ST8SIA4: variants seen among roughly 807,000 people sequenced by gnomAD.
ST8SIA4 encodes ST8 alpha-N-acetyl-neuraminide alpha-2,8-sialyltransferase 4.
ST8SIA4 carries 15 observed loss-of-function variants against 33.9 expected under a neutral mutation model. The ratio of observed to expected loss-of-function variants is 0.44; its 90% CI spans 0.30 to 0.68. ST8SIA4 has a LOEUF of 0.68. Ranked by LOEUF, ST8SIA4 falls within the 30% of genes least tolerant of loss-of-function variation. ST8SIA4 has a pLI of 0.10. For missense variants in ST8SIA4, 321 were observed against 428.0 expected (o/e 0.75, Z 2.21); for synonymous variants, 171 against 151.2 (o/e 1.13, Z -0.96).
At chr5:100,889,692 A>C (rs544062485) in intron 2 of ST8SIA4, among the ~76,000 whole-genome samples, 11 of 152,050 alleles carry the variant, frequency 7.2e-5, no homozygotes, top group Admixed American at 2.0e-4. Context: ...AAATGATTTA[A>C]AAAGGGAACT....
intron 4 of ST8SIA4, among the ~76,000 whole-genome samples, chr5:100,833,068 T>C (rs1751293826): frequency 6.6e-6 from 1 of 152,166 alleles, no homozygotes; most frequent in African/African-American, 2.4e-5. Context: ...GCAAACTCTG[T>C]ACCCTTATAT....
intron 4 of ST8SIA4, among the ~76,000 whole-genome samples, chr5:100,854,551 C>G (rs1751773832): frequency 6.6e-6 from 1 of 152,064 alleles, no homozygotes; most frequent in Non-Finnish European, 1.5e-5. Flanking sequence ...CCACTGCACT[C>G]CGGCCTGGGC....
At chr5:100,831,576 G>T (rs1219860118) in intron 4 of ST8SIA4, among the ~76,000 whole-genome samples, 1 of 151,810 alleles carries the variant, frequency 6.6e-6, no homozygotes, top group Non-Finnish European at 1.5e-5. Context: ...TTCAATAAAT[G>T]GAATTATTAT....
chr5:100,889,108 A>T (rs912808524), intron 2 of ST8SIA4, among the ~76,000 whole-genome samples: 1 of 151,922 alleles, frequency 6.6e-6, no homozygotes, highest in African/African-American at 2.4e-5. Flanking sequence ...CATTATAGAA[A>T]CTGGAAAAGT....
At chr5:100,826,120 A>G (rs943915991) in intron 4 of ST8SIA4, among the ~76,000 whole-genome samples, 1 of 34,710 alleles carries the variant, frequency 2.9e-5, no homozygotes, top group Non-Finnish European at 5.9e-5. Context: ...GTTGGTTTGG[A>G]GCAACTTAAT....
At chr5:100,868,298 C>T (rs1463284512) in intron 3 of ST8SIA4, among the ~76,000 whole-genome samples, 1 of 151,962 alleles carries the variant, frequency 6.6e-6, no homozygotes, top group Admixed American at 6.6e-5. Flanking sequence ...TGACAGTGTT[C>T]CTTGAACATA....
In ST8SIA4 at chr5:100,858,710, T is replaced by C. The variant is rs1751870687; in HGVS notation, c.504-2314A>G. On this transcript the variant is annotated intron_variant, in intron 3 of 4. Transcript: ENST00000231461. ...AGAATATTTATGGAGAACAGATTAA[T>C]TTAGGAAACAAACCAACATATTTGA... Among the ~76,000 whole-genome samples the C allele has an allele frequency of 3.3e-5, 5 of 152,092 alleles. No individual in the cohort carries two copies. The South Asian group carries it at 8.3e-4, about 25-fold the overall frequency.
In ST8SIA4 at chr5:100,856,234, G is replaced by A. The variant is rs2112440158; in HGVS notation, c.666C>T (p.Val222=). 1 of 1,614,086 alleles carries A rather than the reference G, an allele frequency of 6.2e-7. No homozygotes were observed. The highest frequency in any genetic ancestry group is 1.1e-5 in the South Asian group (1 of 91,086). ...VHRLSMLNDS[V]LWIPAFMVKG... is the part of the protein sequence containing the mutation. ...TGACCATGAAAGCAGGAATCCAAAG[G>A]ACACTGTCATTCAGCATGGAAAGTC... The change falls in exon 4 of 5, where the codon GTC becomes GTT. Residue 222 remains valine (V), a synonymous_variant. Coordinates refer to ENST00000231461, the MANE Select transcript of ST8SIA4 (RefSeq NM_005668.6).
At chr5:100,864,497 C>T (rs1313772752) in intron 3 of ST8SIA4, among the ~76,000 whole-genome samples, 1 of 146,812 alleles carries the variant, frequency 6.8e-6, no homozygotes, top group Non-Finnish European at 1.5e-5. Context: ...ATGGCGTGAA[C>T]CTGGGAGTTG....
intron 3 of ST8SIA4, among the ~76,000 whole-genome samples, chr5:100,861,588 T>C (rs1036526243): frequency 4.6e-5 from 7 of 152,144 alleles, no homozygotes; most frequent in African/African-American, 7.2e-5. Flanking sequence ...AAATATATTG[T>C]TTAATTTAAA....
At chr5:100,896,228 G>A (rs1012343089) in intron 1 of ST8SIA4, among the ~76,000 whole-genome samples, 2 of 152,004 alleles carry the variant, frequency 1.3e-5, no homozygotes, top group East Asian at 1.9e-4. Context: ...AATAGATAAC[G>A]AAAATGTGGT....
intron 4 of ST8SIA4, among the ~76,000 whole-genome samples, chr5:100,832,877 C>T (rs1751290861): frequency 6.6e-6 from 1 of 152,108 alleles, no homozygotes; most frequent in African/African-American, 2.4e-5. Context: ...ACTCTACCAC[C>T]TTCCGTTAAG....
At chr5:100,895,549 T>C in intron 2 of ST8SIA4, 105 bp downstream of exon 2, 2 of 1,077,604 alleles carry the variant, frequency 1.9e-6, no homozygotes, top group East Asian at 2.4e-5. Context: ...TTTATTTAAG[T>C]ATTCATACTT....
chr5:100,892,031 A>G (rs1403052073), intron 2 of ST8SIA4, among the ~76,000 whole-genome samples: 2 of 152,090 alleles, frequency 1.3e-5, no homozygotes, highest in African/African-American at 4.8e-5. Flanking sequence ...CAGATTATTG[A>G]TATATCATGA....
chr5:100,858,545 C>G (rs1246625040), intron 3 of ST8SIA4, among the ~76,000 whole-genome samples: 3 of 151,962 alleles, frequency 2.0e-5, no homozygotes, highest in Non-Finnish European at 2.9e-5. Flanking sequence ...CATCCCACCC[C>G]CTATCCGTAT....
At chr5:100,855,142 C>T (rs1751786996) in intron 4 of ST8SIA4, among the ~76,000 whole-genome samples, 1 of 152,142 alleles carries the variant, frequency 6.6e-6, no homozygotes, top group Non-Finnish European at 1.5e-5. Flanking sequence ...TTTGCTTGAC[C>T]TGGTACCCTC....
rs1442117499 is a variant in ST8SIA4, at chr5:100,869,315, T to G, written c.504-12919A>C. The stretch of plus-strand genomic sequence containing the variant: ...TGATAGTTGAAAAATAACAAGTACT[T>G]TAAATCAAAAACTCTAGCCATATTT... On this transcript the variant is annotated intron_variant, in intron 3 of 4. Coordinates refer to ENST00000231461, the MANE Select transcript of ST8SIA4 (RefSeq NM_005668.6). Among the ~76,000 whole-genome samples, 3 of 152,260 alleles carry G rather than the reference T, an allele frequency of 2.0e-5. No homozygotes were observed. The East Asian group carries it at 5.8e-4, about 29-fold the overall frequency.
intron 4 of ST8SIA4, among the ~76,000 whole-genome samples, chr5:100,813,642 C>G (rs1750856317): frequency 6.6e-6 from 1 of 151,968 alleles, no homozygotes. Context: ...CATAGTCAAA[C>G]TTCTTTGAAG....
intron 3 of ST8SIA4, among the ~76,000 whole-genome samples, chr5:100,860,342 C>T (rs773317559): frequency 5.3e-5 from 8 of 152,170 alleles, no homozygotes; most frequent in African/African-American, 1.4e-4. Context: ...TGTCAATCCA[C>T]TGTGAAATAG....
Sources: gnomAD v4.1 joint callset for allele counts (sites outside exome capture counted in the v4.1 genomes callset) on GRCh38, gnomAD v4.1.1 for gene constraint, MANE v1.5 for transcripts, NCBI Gene and HGNC (gene_info 2026-07-23, HGNC 2026-07-21) for gene names.